HIVEP3: variants seen among roughly 807,000 people sequenced by gnomAD.
The protein encoded by HIVEP3 is HIVEP zinc finger 3, also known as transcription factor HIVEP3.
HIVEP3 carries 49 observed loss-of-function variants against 152.8 expected under a neutral mutation model. The ratio of observed to expected loss-of-function variants is 0.32; its 90% CI spans 0.26 to 0.41. The LOEUF (loss-of-function observed/expected upper bound fraction) is 0.41. HIVEP3 is among the 10% of genes least tolerant of loss of function. The pLI, the probability that HIVEP3 is intolerant of heterozygous loss-of-function variation, is 1.00. For missense variants in HIVEP3, 2,790 were observed against 3,103.3 expected (o/e 0.90, Z 2.40); for synonymous variants, 1,269 against 1,289.0 (o/e 0.98, Z 0.33).
intron 3 of HIVEP3, among the ~76,000 whole-genome samples, chr1:41,612,564 A>G (rs1297686298): frequency 2.0e-5 from 3 of 152,190 alleles, no homozygotes; most frequent in Non-Finnish European, 2.9e-5. Flanking sequence ...AGAGAGGTGG[A>G]AAGTGGCTGG....
chr1:41,869,050 A>AT (rs1192573880), intron 1 of HIVEP3, among the ~76,000 whole-genome samples: 1 of 152,072 alleles, frequency 6.6e-6, no homozygotes, highest in African/African-American at 2.4e-5. Context: ...CTGTGGATGT[A>AT]TTTTTTCCCT....
Position 41,694,413 on chromosome 1 carries a change from A to C in HIVEP3, c.-721+6503T>G, listed in dbSNP as rs566213726. 6.4e-4 allele frequency among the ~76,000 whole-genome samples: 97 copies of C among 152,170 alleles called. 1 individual carries two copies. Among genetic ancestry groups the C allele is most frequent in the African/African-American group, 2.1e-3 (88 of 41,518 alleles). ...GGCCTATTTATACATTTCCTACCAC[A>C]CCTGGCAGGTTGTCGGGGCTCTGGA... On this transcript the variant is annotated intron_variant, in intron 2 of 8. Transcript: ENST00000372583.
chr1:41,943,691 C>G (rs980113306), intron 1 of HIVEP3, among the ~76,000 whole-genome samples: 6 of 152,174 alleles, frequency 3.9e-5, no homozygotes, highest in African/African-American at 1.2e-4. Flanking sequence ...TTCTCAGTGT[C>G]TAGAGTTATT....
chr1:41,930,146 T>C (rs12089624), intron 1 of HIVEP3, among the ~76,000 whole-genome samples: 4,944 of 152,250 alleles, frequency 0.032, 267 homozygotes, highest in African/African-American at 0.11. Flanking sequence ...AGTATCCTGA[T>C]TGATTTTGTT....
intron 2 of HIVEP3, among the ~76,000 whole-genome samples, chr1:41,646,601 G>A (rs1445657200): frequency 6.6e-6 from 1 of 152,188 alleles, no homozygotes; most frequent in Admixed American, 6.5e-5. Context: ...TCTGGCCAAC[G>A]GGGACCCATG....
intron 1 of HIVEP3, among the ~76,000 whole-genome samples, chr1:41,964,309 G>C (rs1645186195): frequency 6.6e-6 from 1 of 152,214 alleles, no homozygotes; most frequent in African/African-American, 2.4e-5. Flanking sequence ...GGAGCCACAC[G>C]GGGAAAGGGG....
Position 41,582,878 on chromosome 1 carries a change from C to T in HIVEP3, c.1920G>A (p.Gly640=). The change falls in exon 4 of 9, where the codon GGG becomes GGA. Residue 640 remains glycine, a synonymous_variant. Transcript: ENST00000372583. This position sits in a 1 kb window ranked among gnomAD's most constrained non-coding sequence, Gnocchi z 4.7. ...CACATATGTTACATTCGTAGATCAC[C>T]CCTTTTGTTTTCAAACCCTTCTTGG... ...KKTKKGLKTK[G]VIYECNICGA... is the part of the protein sequence containing the mutation. 1.9e-6 allele frequency: 3 copies of T among 1,614,112 alleles called. No individual in the cohort carries two copies. The highest frequency in any genetic ancestry group is 2.2e-5 in the East Asian group (1 of 44,870).
At chr1:41,823,375 C>T (rs182558129) in intron 1 of HIVEP3, among the ~76,000 whole-genome samples, 36 of 152,248 alleles carry the variant, frequency 2.4e-4, no homozygotes, top group African/African-American at 7.9e-4. Context: ...TACAAAAGTC[C>T]CCAGCTCACA....
intron 1 of HIVEP3, among the ~76,000 whole-genome samples, chr1:41,851,289 C>T (rs78028527): frequency 5.0e-5 from 3 of 59,798 alleles, no homozygotes; most frequent in African/African-American, 1.4e-4. Context: ...TCTTCTTCTT[C>T]TTTTTTTTTT....
rs371572560 is a variant in HIVEP3, at chr1:41,579,695, T to A, written c.5061+42A>T. 4.7e-5 allele frequency: 71 copies of A among 1,511,944 alleles called. 1 individual carries two copies. In the Middle Eastern group the frequency reaches 1.0e-3, roughly 21 times the overall value. 93.7% of individuals were successfully genotyped at this position (1,511,944 alleles called of 1,614,324 possible). On this transcript the variant is annotated intron_variant, in intron 4 of 8. Transcript: ENST00000372583. Reference sequence around the variant, plus strand: ...TGGCTTTAAAAGCTCGCCAAGTGCTTTTGCAAATCAGTGATGAGAAGAAAA... The same window carrying A: ...TGGCTTTAAAAGCTCGCCAAGTGCTATTGCAAATCAGTGATGAGAAGAAAA...
intron 1 of HIVEP3, among the ~76,000 whole-genome samples, chr1:41,878,264 C>T (rs191925855): frequency 4.6e-5 from 7 of 152,240 alleles, no homozygotes; most frequent in South Asian, 2.1e-4. Flanking sequence ...AAGCAATTTG[C>T]GAAACTTTGC....
In HIVEP3 at chr1:41,517,440, A is replaced by G. The variant is rs149747883; in HGVS notation, c.5470+962T>C. 3.3e-3 allele frequency among the ~76,000 whole-genome samples: 509 copies of G among 152,360 alleles called. 2 individuals carry two copies. Among genetic ancestry groups the G allele is most frequent in the South Asian group, 0.018 (87 of 4,830 alleles). ...CCCCAAGTTCACTGTGTTCTCCTCT[A>G]TAAAAATGACTTATTCCACCTAAAA... On this transcript the variant is annotated intron_variant, in intron 7 of 8. Transcript: ENST00000372583.
chr1:41,895,459 C>T (rs1198342051), intron 1 of HIVEP3, among the ~76,000 whole-genome samples: 1 of 152,206 alleles, frequency 6.6e-6, no homozygotes, highest in Non-Finnish European at 1.5e-5. Context: ...TTACCAGAGG[C>T]AAAGGTGCTT....
intron 1 of HIVEP3, among the ~76,000 whole-genome samples, chr1:41,779,731 A>C (rs975134855): frequency 2.0e-5 from 3 of 152,344 alleles, no homozygotes; most frequent in Admixed American, 6.5e-5. Flanking sequence ...TCCTGACCTC[A>C]AATGACCTGT....
At chr1:41,808,724 G>C (rs934986856) in intron 1 of HIVEP3, among the ~76,000 whole-genome samples, 2 of 152,142 alleles carry the variant, frequency 1.3e-5, no homozygotes, top group Non-Finnish European at 2.9e-5. Context: ...TTCAGATTTG[G>C]GGGTAGAAGT....
chr1:41,971,077 T>A (rs1465098302), intron 1 of HIVEP3, among the ~76,000 whole-genome samples: 2 of 152,252 alleles, frequency 1.3e-5, no homozygotes, highest in Non-Finnish European at 2.9e-5. Flanking sequence ...TTTTACTAGC[T>A]GCAATAAATT....
At chr1:41,713,195 C>A (rs1042293441) in intron 1 of HIVEP3, among the ~76,000 whole-genome samples, 3 of 152,154 alleles carry the variant, frequency 2.0e-5, no homozygotes, top group African/African-American at 4.8e-5. Context: ...GTCCTCCCAC[C>A]CCCGATCTGC....
At chr1:41,796,873 T>C (rs1297979522) in intron 1 of HIVEP3, among the ~76,000 whole-genome samples, 1 of 152,208 alleles carries the variant, frequency 6.6e-6, no homozygotes, top group Non-Finnish European at 1.5e-5. Flanking sequence ...CTTGAACCCA[T>C]GCAAGCTTCA....
In HIVEP3 at chr1:41,514,852, A is replaced by G. The variant is rs74071565; in HGVS notation, c.5471-1102T>C. Among the ~76,000 whole-genome samples the G allele has an allele frequency of 5.0e-3, 761 of 152,346 alleles. 14 individuals are homozygous for G. The highest frequency in any genetic ancestry group is 0.017 in the African/African-American group (712 of 41,574). On this transcript the variant is annotated intron_variant, in intron 7 of 8. Transcript: ENST00000372583. ...TTAAACAGACTATAAGAATAATGACAGAGTTATTGAATAGAGTCTAAAAGT... is the reference window on the plus strand; with the variant it reads ...TTAAACAGACTATAAGAATAATGACGGAGTTATTGAATAGAGTCTAAAAGT...
Sources: gnomAD v4.1 joint callset for allele counts (sites outside exome capture counted in the v4.1 genomes callset) on GRCh38, gnomAD v4.1.1 for gene constraint, Gnocchi (gnomAD v3.1) non-coding constraint, MANE v1.5 for transcripts, NCBI Gene and HGNC (gene_info 2026-07-23, HGNC 2026-07-21) for gene names.